Variants in PHACTR1 observed in about 807,000 individuals in gnomAD.
PHACTR1 encodes the protein phosphatase and actin regulator 1, also known as RPEL repeat containing 1.
PHACTR1 carries 16 observed loss-of-function variants against 69.2 expected under a neutral mutation model. The ratio of observed to expected loss-of-function variants is 0.23; its 90% CI spans 0.16 to 0.35. The LOEUF is 0.35. Ranked by LOEUF, PHACTR1 falls within the 10% of genes least tolerant of loss-of-function variation. PHACTR1 has a pLI of 1.00. For synonymous variants in PHACTR1, 312 were observed against 284.5 expected (o/e 1.10, Z -0.97); for missense variants, 510 against 734.7 (o/e 0.69, Z 3.54).
intron 3 of PHACTR1, among the ~76,000 whole-genome samples, chr6:12,747,010 G>A (rs182713180): frequency 5.9e-4 from 90 of 152,304 alleles, no homozygotes; most frequent in African/African-American, 2.0e-3. Context: ...TTTACAGCCT[G>A]TTAGTCCTTT....
chr6:12,800,748 A>G (rs969429966), intron 4 of PHACTR1, among the ~76,000 whole-genome samples: 1 of 151,938 alleles, frequency 6.6e-6, no homozygotes, highest in Non-Finnish European at 1.5e-5. Context: ...TTTAGCACAG[A>G]CTGGTAGCAT....
chr6:13,084,950 A>C (rs144508637), intron 5 of PHACTR1, among the ~76,000 whole-genome samples: 62 of 152,258 alleles, frequency 4.1e-4, no homozygotes, highest in African/African-American at 1.4e-3. Context: ...GAAAACGCTA[A>C]GAAAATTATG....
intron 5 of PHACTR1, among the ~76,000 whole-genome samples, chr6:13,061,874 A>G (rs998629213): frequency 6.6e-6 from 1 of 152,180 alleles, no homozygotes; most frequent in Non-Finnish European, 1.5e-5. Context: ...ACTGCAGTTC[A>G]ATTGATTCAT....
chr6:13,032,773 C>A (rs1802643750), intron 4 of PHACTR1, among the ~76,000 whole-genome samples: 1 of 151,968 alleles, frequency 6.6e-6, no homozygotes, highest in Non-Finnish European at 1.5e-5. Flanking sequence ...CCATGCCCTG[C>A]CTAATTTTTA....
At chr6:12,747,249 A>G (rs1317546450) in intron 3 of PHACTR1, among the ~76,000 whole-genome samples, 1 of 152,194 alleles carries the variant, frequency 6.6e-6, no homozygotes, top group African/African-American at 2.4e-5. Flanking sequence ...TCAGGCATAC[A>G]TGGATTTGGT....
chr6:13,133,940 C>A (rs1490630683), intron 5 of PHACTR1, among the ~76,000 whole-genome samples: 1 of 150,416 alleles, frequency 6.6e-6, no homozygotes, highest in Non-Finnish European at 1.5e-5. Context: ...AGCGCCTCTG[C>A]CCCGCCACCC....
intron 10 of PHACTR1, chr6:13,272,411 CG>C: frequency 5.8e-6 from 1 of 173,184 alleles, no homozygotes; most frequent in Non-Finnish European, 1.2e-5. Context: ...CACATGTCCC[CG>C]GGGCCACAGA....
At chr6:13,253,227 C>A (rs912160281) in intron 10 of PHACTR1, among the ~76,000 whole-genome samples, 25 of 152,142 alleles carry the variant, frequency 1.6e-4, no homozygotes, top group Admixed American at 3.9e-4. Flanking sequence ...TCTGTAGCTC[C>A]TAGGAGGAAT....
chr6:12,961,100 AT>A (rs1393108075), intron 4 of PHACTR1, among the ~76,000 whole-genome samples: 2 of 152,178 alleles, frequency 1.3e-5, no homozygotes, highest in African/African-American at 4.8e-5. Flanking sequence ...TTCTCTAGGT[AT>A]AGGTTGAGCT....
At chr6:12,908,927 C>T (rs900108552) in intron 4 of PHACTR1, among the ~76,000 whole-genome samples, 2 of 152,088 alleles carry the variant, frequency 1.3e-5, no homozygotes, top group African/African-American at 4.8e-5. Flanking sequence ...GAAATGATAC[C>T]GTCAAATTTC....
At chr6:12,973,029 G>A (rs947023360) in intron 4 of PHACTR1, among the ~76,000 whole-genome samples, 9 of 151,988 alleles carry the variant, frequency 5.9e-5, no homozygotes, top group East Asian at 1.9e-4. Flanking sequence ...CTTTTATAGG[G>A]ACCCTTGTGA....
chr6:12,763,215 A>AAACAACAAC (rs71701647), intron 4 of PHACTR1, among the ~76,000 whole-genome samples: 19 of 150,106 alleles, frequency 1.3e-4, no homozygotes, highest in East Asian at 6.0e-4. Context: ...TCCGTCTCAA[A>AAACAACAAC]AACAACAACA....
chr6:13,182,718 C>T lies in PHACTR1; in HGVS notation c.664+32C>T, dbSNP rs767641821. The T allele has an allele frequency of 1.7e-5, 25 of 1,483,364 alleles. No individual in the cohort carries two copies. The East Asian group carries it at 5.2e-4, about 31-fold the overall frequency. The allele number at this position is 1,483,364 out of a possible 1,614,324, so 91.9% of individuals were successfully genotyped here. A position where few individuals can be genotyped will look rare whatever the true frequency, so the allele number is the denominator to read the frequency against. On this transcript the variant is annotated intron_variant, in intron 7 of 14. Coordinates refer to ENST00000332995, the MANE Select transcript of PHACTR1 (RefSeq NM_030948.6). ...CCCCGGCAGGATTGTAGAGCAGGTCCCAGACACCAAGTCCAGCCAGGCACC... is the reference window on the plus strand; with the variant it reads ...CCCCGGCAGGATTGTAGAGCAGGTCTCAGACACCAAGTCCAGCCAGGCACC...
At chr6:12,777,480 A>G (rs1770220992) in intron 4 of PHACTR1, among the ~76,000 whole-genome samples, 1 of 151,980 alleles carries the variant, frequency 6.6e-6, no homozygotes, top group Non-Finnish European at 1.5e-5. Flanking sequence ...AAGTGAGAAC[A>G]TGCGTATTTC....
intron 4 of PHACTR1, among the ~76,000 whole-genome samples, chr6:13,038,569 A>G (rs1465811523): frequency 6.6e-6 from 1 of 152,030 alleles, no homozygotes; most frequent in Non-Finnish European, 1.5e-5. Context: ...AAATTCTGCC[A>G]GAGACAGAGT....
At position 12,989,726 on chromosome 6, in the gene PHACTR1, C is replaced by G. The variant is rs1341001545; in HGVS notation, c.251-63639C>G. ...TGCGAAAGGCCCAGAGTTTTGGTCT[C>G]CACAGTATTTATTGAGTACAGTCAC... is the stretch of plus-strand genomic sequence containing the variant. On this transcript the variant is annotated intron_variant, in intron 4 of 14. Transcript: ENST00000332995. Among the ~76,000 whole-genome samples, 56 of 152,108 alleles carry G rather than the reference C, an allele frequency of 3.7e-4. 2 individuals carry two copies.
At chr6:13,077,849 C>A (rs984551320) in intron 5 of PHACTR1, among the ~76,000 whole-genome samples, 1 of 151,990 alleles carries the variant, frequency 6.6e-6, no homozygotes, top group Non-Finnish European at 1.5e-5. Flanking sequence ...ACAAGACTTG[C>A]GAGACAAAAT....
chr6:13,115,606 A>G (rs184231477), intron 5 of PHACTR1, among the ~76,000 whole-genome samples: 1 of 152,314 alleles, frequency 6.6e-6, no homozygotes, highest in East Asian at 1.9e-4. Flanking sequence ...AGAGAGGAAG[A>G]AAAGCCACTA....
chr6:12,720,616 C>G (rs543718927), intron 3 of PHACTR1, among the ~76,000 whole-genome samples: 1 of 152,196 alleles, frequency 6.6e-6, no homozygotes, highest in South Asian at 2.1e-4. Flanking sequence ...GAGTCATGTT[C>G]GTATTAGAGT....
Sources: allele counts gnomAD v4.1 joint callset (sites outside exome capture counted in the v4.1 genomes callset), GRCh38; gene constraint gnomAD v4.1.1; transcripts MANE v1.5; gene names NCBI Gene and HGNC (gene_info 2026-07-23, HGNC 2026-07-21).